Variants in NEK11 observed in about 807,000 individuals in gnomAD.
NEK11 encodes NIMA related kinase 11, also known as serine/threonine-protein kinase Nek11.
NEK11 carries 72 observed loss-of-function variants against 80.7 expected under a neutral mutation model. The observed-to-expected ratio is 0.89, with a 90% CI of 0.74 to 1.08. The LOEUF (loss-of-function observed/expected upper bound fraction) is 1.08. NEK11 is among the 50% of genes least tolerant of loss of function. NEK11 has a pLI of 0.00. For missense variants in NEK11, 764 were observed against 763.6 expected, an observed-to-expected ratio of 1.00 and a Z score of -0.01; for synonymous variants, 251 against 260.7, an observed-to-expected ratio of 0.96 and a Z score of 0.36.
intron 4 of NEK11, among the ~76,000 whole-genome samples, chr3:131,105,243 C>G (rs536082929): frequency 1.1e-4 from 17 of 152,284 alleles, no homozygotes; most frequent in Non-Finnish European, 2.2e-4. Context: ...AACAAAAAAC[C>G]TTTTCACAAT....
chr3:131,070,405 G>C (rs981868956), intron 3 of NEK11, among the ~76,000 whole-genome samples: 1 of 152,056 alleles, frequency 6.6e-6, no homozygotes, highest in Non-Finnish European at 1.5e-5. Context: ...TCAAAATGTA[G>C]ACTTCACCAC....
intron 3 of NEK11, among the ~76,000 whole-genome samples, chr3:131,058,661 T>A (rs1426956887): frequency 6.6e-6 from 1 of 152,218 alleles, no homozygotes; most frequent in Non-Finnish European, 1.5e-5. Context: ...CTTAAGAGAT[T>A]CATACTACAG....
intron 14 of NEK11, among the ~76,000 whole-genome samples, chr3:131,182,155 A>G (rs1247677834): frequency 2.6e-5 from 4 of 151,090 alleles, no homozygotes; most frequent in Admixed American, 6.6e-5. Context: ...AAAAAAAAAG[A>G]AAAGAAAAAA....
At chr3:131,213,944 G>A (rs1262570547) in intron 14 of NEK11, among the ~76,000 whole-genome samples, 4 of 152,230 alleles carry the variant, frequency 2.6e-5, no homozygotes, top group South Asian at 2.1e-4. Context: ...GATTAGTTCC[G>A]TTGTAAGTAG....
chr3:131,257,077 T>G (rs1283594572), intron 16 of NEK11, among the ~76,000 whole-genome samples: 1 of 151,974 alleles, frequency 6.6e-6, no homozygotes. Context: ...CTTGACCTCC[T>G]GGGCTCAGGG....
At chr3:131,042,322 A>C (rs2066637909) in intron 3 of NEK11, among the ~76,000 whole-genome samples, 1 of 152,056 alleles carries the variant, frequency 6.6e-6, no homozygotes, top group Non-Finnish European at 1.5e-5. Context: ...TGCTCAGCGG[A>C]TCCCATTCCC....
chr3:131,233,477 C>T (rs887098206), intron 15 of NEK11, among the ~76,000 whole-genome samples: 1 of 152,104 alleles, frequency 6.6e-6, no homozygotes, highest in Non-Finnish European at 1.5e-5. Context: ...AACTCTGATG[C>T]ATATATTCTA....
chr3:131,254,286 G>A (rs2095763346), intron 16 of NEK11, among the ~76,000 whole-genome samples: 1 of 152,144 alleles, frequency 6.6e-6, no homozygotes, highest in Admixed American at 6.6e-5. Flanking sequence ...AAAACAGTAT[G>A]TTGAAATCTC....
At chr3:131,213,784 G>T (rs55944516) in intron 14 of NEK11, among the ~76,000 whole-genome samples, 23,396 of 152,128 alleles carry the variant, frequency 0.15, 2,094 homozygotes, top group African/African-American at 0.24. Context: ...AAGTTCCCCA[G>T]ATGATTCATG....
intron 4 of NEK11, among the ~76,000 whole-genome samples, chr3:131,097,190 A>T (rs1338829874): frequency 2.0e-5 from 3 of 151,948 alleles, no homozygotes; most frequent in Non-Finnish European, 4.4e-5. Context: ...GGCTGCAATA[A>T]ACATACGTGT....
At chr3:131,269,485 G>A (rs2096134781) in intron 16 of NEK11, among the ~76,000 whole-genome samples, 3 of 152,276 alleles carry the variant, frequency 2.0e-5, no homozygotes, top group Admixed American at 2.0e-4. Context: ...CATTCCTCAT[G>A]GCACAGTCCC....
At chr3:131,205,205 T>C (rs554979255) in intron 14 of NEK11, among the ~76,000 whole-genome samples, 13 of 152,298 alleles carry the variant, frequency 8.5e-5, no homozygotes, top group South Asian at 4.1e-4. Flanking sequence ...AAATCACAAA[T>C]GGATAGGGCT....
chr3:131,125,021 C>G (rs1269138738), intron 5 of NEK11, among the ~76,000 whole-genome samples: 1 of 152,120 alleles, frequency 6.6e-6, no homozygotes, highest in African/African-American at 2.4e-5. Context: ...ATGAAGTGGC[C>G]TAGTGTTGCA....
intron 7 of NEK11, among the ~76,000 whole-genome samples, chr3:131,141,523 G>A (rs565840762): frequency 6.8e-4 from 103 of 152,298 alleles, no homozygotes; most frequent in Admixed American, 4.1e-3. Context: ...TTCATGAAGG[G>A]CCTCAAATGT....
intron 14 of NEK11, among the ~76,000 whole-genome samples, chr3:131,210,481 T>C (rs2094575104): frequency 6.6e-6 from 1 of 152,242 alleles, no homozygotes; most frequent in Admixed American, 6.5e-5. Context: ...TGTAGATGTC[T>C]ATTAGGTCTG....
intron 16 of NEK11, among the ~76,000 whole-genome samples, chr3:131,250,040 T>A (rs1325484941): frequency 6.6e-6 from 1 of 151,980 alleles, no homozygotes; most frequent in Non-Finnish European, 1.5e-5. Flanking sequence ...TTCTAAAAGA[T>A]AGCAGAGAAA....
chr3:131,219,221 G>A (rs947434743), intron 14 of NEK11, among the ~76,000 whole-genome samples: 1 of 152,146 alleles, frequency 6.6e-6, no homozygotes, highest in African/African-American at 2.4e-5. Flanking sequence ...CCATAAAAAA[G>A]GATGAGTTCA....
intron 17 of NEK11, among the ~76,000 whole-genome samples, chr3:131,345,962 G>A (rs78209224): frequency 0.026 from 3,867 of 151,430 alleles, 66 homozygotes; most frequent in Middle Eastern, 0.051. Context: ...ATTATATATG[G>A]AATATTTAAA....
chr3:131,334,952 G>T (rs907286903), intron 17 of NEK11, among the ~76,000 whole-genome samples: 10 of 152,144 alleles, frequency 6.6e-5, no homozygotes, highest in African/African-American at 2.2e-4. Flanking sequence ...ACCAATAACA[G>T]GATCTGAAAT....
Sources: gnomAD v4.1 joint callset for allele counts (sites outside exome capture counted in the v4.1 genomes callset) on GRCh38, gnomAD v4.1.1 for gene constraint, MANE v1.5 for transcripts, NCBI Gene and HGNC (gene_info 2026-07-23, HGNC 2026-07-21) for gene names.